Variants in SMYD3 observed in about 807,000 individuals in gnomAD.
SMYD3 encodes histone-lysine N-methyltransferase SMYD3.
In SMYD3, 36 loss-of-function variants were observed where a neutral mutation model predicts 57.7. That is an observed-to-expected ratio of 0.62 (90% confidence interval 0.48 to 0.82). The LOEUF is 0.82. SMYD3 is among the 40% of genes least tolerant of loss of function. The pLI, the probability that SMYD3 is intolerant of heterozygous loss-of-function variation, is 0.00. For missense variants in SMYD3, 515 were observed against 538.8 expected (o/e 0.96, Z 0.44); for synonymous variants, 211 against 195.0 (o/e 1.08, Z -0.68).
intron 1 of SMYD3, among the ~76,000 whole-genome samples, chr1:246,399,382 TG>T (rs1192397444): frequency 2.0e-5 from 3 of 152,020 alleles, no homozygotes; most frequent in Non-Finnish European, 2.9e-5. Context: ...TCACCTGGGC[TG>T]GAGTGCAGTG....
chr1:245,937,279 A>G (rs1009153576), intron 5 of SMYD3, among the ~76,000 whole-genome samples: 49 of 152,228 alleles, frequency 3.2e-4, no homozygotes, highest in African/African-American at 1.2e-3. Context: ...TTTCTATTTT[A>G]TCTCTCTCCC....
chr1:246,200,854 G>A (rs1245888097), intron 5 of SMYD3, among the ~76,000 whole-genome samples: 1 of 152,148 alleles, frequency 6.6e-6, no homozygotes, highest in Non-Finnish European at 1.5e-5. Context: ...CTAAAGTCAT[G>A]ATATCAAACC....
chr1:245,811,938 C>T (rs562033096), intron 10 of SMYD3, among the ~76,000 whole-genome samples: 4 of 152,214 alleles, frequency 2.6e-5, no homozygotes, highest in Non-Finnish European at 5.9e-5. Flanking sequence ...TCTGTGTCCA[C>T]TCCGAAGCCC....
chr1:245,912,010 A>G (rs1217272006), intron 8 of SMYD3, among the ~76,000 whole-genome samples: 6 of 152,136 alleles, frequency 3.9e-5, no homozygotes, highest in Non-Finnish European at 7.4e-5. Context: ...CAACTATCAT[A>G]TATCAATAAA....
At chr1:246,287,349 C>A (rs74227149) in intron 5 of SMYD3, among the ~76,000 whole-genome samples, 2 of 152,086 alleles carry the variant, frequency 1.3e-5, no homozygotes, top group Non-Finnish European at 2.9e-5. Flanking sequence ...AGTTTCATTA[C>A]AAATTTAAAA....
chr1:245,868,281 G>C (rs2051989185), intron 8 of SMYD3, among the ~76,000 whole-genome samples: 2 of 152,160 alleles, frequency 1.3e-5, no homozygotes, highest in African/African-American at 4.8e-5. Context: ...AGGTCTGTCT[G>C]GCTCCAAAGC....
At chr1:246,194,939 T>C (rs1190545750) in intron 5 of SMYD3, among the ~76,000 whole-genome samples, 1 of 152,170 alleles carries the variant, frequency 6.6e-6, no homozygotes, top group Non-Finnish European at 1.5e-5. Context: ...GTAACTACAA[T>C]CCATATACGT....
Position 246,367,420 on chromosome 1 carries a change from A to C in SMYD3, c.165-12326T>G, listed in dbSNP as rs1181146808. Among the ~76,000 whole-genome samples the C allele has an allele frequency of 3.3e-5, 5 of 152,250 alleles. No homozygotes were observed. The East Asian group carries it at 9.6e-4, about 29-fold the overall frequency. ...AATTGTGCATATTTTAAGGCAAAGT[A>C]TGGTGGTCTCAGAAAGGTAGAGAAC... On this transcript the variant is annotated intron_variant, in intron 1 of 11. Coordinates refer to ENST00000490107, the MANE Select transcript of SMYD3 (RefSeq NM_001167740.2).
intron 1 of SMYD3, among the ~76,000 whole-genome samples, chr1:246,367,887 T>G (rs2066133198): frequency 6.6e-6 from 1 of 152,196 alleles, no homozygotes; most frequent in African/African-American, 2.4e-5. Context: ...ATGGGATCGT[T>G]AGCAACCCAC....
At chr1:246,025,476 C>T (rs905389721) in intron 5 of SMYD3, among the ~76,000 whole-genome samples, 4 of 152,174 alleles carry the variant, frequency 2.6e-5, no homozygotes, top group Non-Finnish European at 5.9e-5. Flanking sequence ...AAAAGAGGTA[C>T]CAGTACTGTG....
chr1:246,186,029 T>G (rs956516956), intron 5 of SMYD3, among the ~76,000 whole-genome samples: 2 of 152,030 alleles, frequency 1.3e-5, no homozygotes, highest in Admixed American at 6.6e-5. Context: ...ATCTCACCAT[T>G]TTTTTTAAAT....
chr1:245,946,729 T>A (rs1475299024), intron 5 of SMYD3, among the ~76,000 whole-genome samples: 1 of 152,188 alleles, frequency 6.6e-6, no homozygotes, highest in African/African-American at 2.4e-5. Context: ...AAGGATAGAT[T>A]TGTTCATTCA....
chr1:246,039,882 GC>G (rs1374887159), intron 5 of SMYD3, among the ~76,000 whole-genome samples: 1 of 152,114 alleles, frequency 6.6e-6, no homozygotes, highest in Non-Finnish European at 1.5e-5. Flanking sequence ...TCAACATCTT[GC>G]CACTAGATCA....
chr1:246,407,037 G>C (rs2066876175), intron 1 of SMYD3, among the ~76,000 whole-genome samples: 1 of 152,230 alleles, frequency 6.6e-6, no homozygotes, highest in Non-Finnish European at 1.5e-5. Flanking sequence ...CTGCTATTCA[G>C]AAGGGTTGGC....
In SMYD3 at chr1:246,355,454, TGAAG is replaced by T. The variant is rs1426533522; in HGVS notation, c.165-364_165-361del. The T allele has an allele frequency of 5.5e-5, 11 of 201,122 alleles. 1 individual carries two copies. Among genetic ancestry groups the T allele is most frequent in the Non-Finnish European group, 9.1e-5 (9 of 98,714 alleles). The allele number at this position is 201,122 out of a possible 1,614,324, so 12.5% of individuals were successfully genotyped here. A position where few individuals can be genotyped will look rare whatever the true frequency, so the allele number is the denominator to read the frequency against. On this transcript the variant is annotated intron_variant, in intron 1 of 11. Coordinates refer to ENST00000490107, the MANE Select transcript of SMYD3 (RefSeq NM_001167740.2). The surrounding 1 kb of genome is among the most constrained non-coding windows in gnomAD (Gnocchi z 5.0). ...AAACTAAGAGAATCCACAGACCCTCTGAAGGAACTGTATCGCCACTGCAGGCTCC... is the reference window on the plus strand; with the variant it reads ...AAACTAAGAGAATCCACAGACCCTCTGAACTGTATCGCCACTGCAGGCTCC...
At chr1:245,897,796 G>A (rs909506905) in intron 8 of SMYD3, among the ~76,000 whole-genome samples, 2 of 152,006 alleles carry the variant, frequency 1.3e-5, no homozygotes, top group Non-Finnish European at 2.9e-5. Flanking sequence ...GCTATTCAGG[G>A]GGCAAGGCAG....
intron 1 of SMYD3, among the ~76,000 whole-genome samples, chr1:246,459,115 C>G (rs1318890258): frequency 6.6e-6 from 1 of 152,182 alleles, no homozygotes; most frequent in Admixed American, 6.5e-5. Context: ...ACAGAGTTCT[C>G]GCAAGATATT....
intron 5 of SMYD3, among the ~76,000 whole-genome samples, chr1:246,021,973 C>T (rs373253906): frequency 2.0e-5 from 3 of 152,272 alleles, no homozygotes; most frequent in Middle Eastern, 3.4e-3. Flanking sequence ...ACATAATCAG[C>T]GTTTCCTCTC....
At chr1:245,916,984 A>G (rs1190364687) in intron 7 of SMYD3, among the ~76,000 whole-genome samples, 1 of 149,144 alleles carries the variant, frequency 6.7e-6, no homozygotes, top group Non-Finnish European at 1.5e-5. Flanking sequence ...GTTTTTTACT[A>G]ATTTGGTAAG....
Sources: allele counts gnomAD v4.1 joint callset (sites outside exome capture counted in the v4.1 genomes callset), GRCh38; gene constraint gnomAD v4.1.1; non-coding constraint Gnocchi (gnomAD v3.1); transcripts MANE v1.5; gene names NCBI Gene and HGNC (gene_info 2026-07-23, HGNC 2026-07-21).